Variants in IKBKB observed in about 807,000 individuals in gnomAD.
IKBKB encodes the protein inhibitor of nuclear factor kappa-B kinase subunit beta.
IKBKB carries 42 observed loss-of-function variants against 113.6 expected under a neutral mutation model. The ratio of observed to expected loss-of-function variants is 0.37; its 90% CI spans 0.29 to 0.48. The LOEUF is 0.48. Ranked by LOEUF, IKBKB falls within the 20% of genes least tolerant of loss-of-function variation. IKBKB has a pLI of 0.99. For synonymous variants in IKBKB, 296 were observed against 361.3 expected, an observed-to-expected ratio of 0.82 and a Z score of 2.05; for missense variants, 673 against 939.7, an observed-to-expected ratio of 0.72 and a Z score of 3.71.
At chr8:42,300,930 C>T (rs1585669250) in intron 5 of IKBKB, among the ~76,000 whole-genome samples, 2 of 152,176 alleles carry the variant, frequency 1.3e-5, no homozygotes, top group South Asian at 2.1e-4. Flanking sequence ...TCATGTTTCA[C>T]CGCAGCCTTG....
chr8:42,330,006 ATC>A lies in IKBKB; in HGVS notation c.2205+796_2205+797del, dbSNP rs1233599495. On this transcript the variant is annotated intron_variant, in intron 21 of 21. Coordinates refer to ENST00000520810, the MANE Select transcript of IKBKB (RefSeq NM_001556.3). ...CTCCTCCAGTCTGTGGACATTCTAT[ATC>A]TCTTGCTGCTCTCCTCCTCCTGGCA... The A allele has an allele frequency of 3.0e-6, 3 of 985,288 alleles. No homozygotes were observed. The African/African-American group carries it at 5.2e-5, about 17-fold the overall frequency. 61.0% of individuals were successfully genotyped at this position (985,288 alleles called of 1,614,324 possible). A position where few individuals can be genotyped will look rare whatever the true frequency, so the allele number is the denominator to read the frequency against.
At chr8:42,272,661 T>G (rs1348728284) in intron 2 of IKBKB, among the ~76,000 whole-genome samples, 1 of 152,072 alleles carries the variant, frequency 6.6e-6, no homozygotes, top group Non-Finnish European at 1.5e-5. Flanking sequence ...GGCAGCCAGC[T>G]GGGCGTGGTG....
At chr8:42,329,409 G>A (rs1378531364) in intron 21 of IKBKB, 195 bp downstream of exon 21, 5 of 988,962 alleles carry the variant, frequency 5.1e-6, no homozygotes, top group South Asian at 2.8e-5. Flanking sequence ...TGCAACCTCC[G>A]CTTCCCGGGT....
intron 8 of IKBKB, among the ~76,000 whole-genome samples, chr8:42,311,054 GA>G (rs1405178824): frequency 6.6e-6 from 1 of 152,150 alleles, no homozygotes; most frequent in Non-Finnish European, 1.5e-5. Flanking sequence ...ACAGATTAAA[GA>G]GTTTGCACGT....
chr8:42,309,481 A>G (rs1413072907), intron 8 of IKBKB: 1 of 417,616 alleles, frequency 2.4e-6, no homozygotes, highest in Non-Finnish European at 4.7e-6. Flanking sequence ...GTGGCCGGGT[A>G]CAGTGGCTCA....
intron 16 of IKBKB, 113 bp downstream of exon 16, chr8:42,320,957 A>ATGCTT: frequency 1.7e-6 from 1 of 591,666 alleles, no homozygotes. Context: ...TCTCTAGAGC[A>ATGCTT]TGCTTCCCTG....
chr8:42,325,186 G>A, intron 19 of IKBKB: 1 of 983,322 alleles, frequency 1.0e-6, no homozygotes, highest in Non-Finnish European at 1.2e-6. Context: ...GAGCTGAGGA[G>A]GCTCAGGTAG....
Position 42,319,637 on chromosome 8 carries a change from C to A in IKBKB, c.1569C>A (p.Leu523=). The A allele has an allele frequency of 6.3e-7, 1 of 1,590,492 alleles. No individual in the cohort carries two copies. Among genetic ancestry groups the A allele is most frequent in the Non-Finnish European group, 8.5e-7 (1 of 1,172,622 alleles). Residue 523 remains leucine, a synonymous_variant, in exon 15 of 22, where the codon CTC becomes CTA. Transcript: ENST00000520810. ...AWREMEQAVE[L]CGRENEVKLL... is the part of the protein sequence containing the mutation. ...GGGAAATGGAGCAGGCTGTGGAGCT[C>A]TGTGGGCGGGTAGGAGACTCATTTT...
At chr8:42,287,648 A>G (rs1234674101) in intron 2 of IKBKB, among the ~76,000 whole-genome samples, 2 of 152,238 alleles carry the variant, frequency 1.3e-5, no homozygotes, top group Admixed American at 6.5e-5. Context: ...AGGGTTACTA[A>G]TACCTGCTAG....
At chr8:42,306,192 C>T (rs1816490526) in intron 6 of IKBKB, 151 bp from the exon 7 acceptor site, 1 of 575,634 alleles carries the variant, frequency 1.7e-6, no homozygotes, top group Non-Finnish European at 3.2e-6. Flanking sequence ...CGAGGGCATT[C>T]TTTTGTGTAT....
rs2130631508 is a variant in IKBKB, at chr8:42,316,043, T to G, written c.801-167T>G. On this transcript the variant is annotated intron_variant, in intron 9 of 21. Coordinates refer to ENST00000520810, the MANE Select transcript of IKBKB (RefSeq NM_001556.3). The surrounding 1 kb of genome is among the most constrained non-coding windows in gnomAD (Gnocchi z 4.5). Reference sequence around the variant, plus strand: ...TATTTTAGAATTCAGGAGAGAGGTGTGAACACCTGAATAATTGATTGGAAA... The same window carrying G: ...TATTTTAGAATTCAGGAGAGAGGTGGGAACACCTGAATAATTGATTGGAAA... Among the ~76,000 whole-genome samples, 1 of 152,346 alleles carries G rather than the reference T, an allele frequency of 6.6e-6. No homozygotes were observed. The highest frequency in any genetic ancestry group is 2.1e-4 in the South Asian group (1 of 4,816).
intron 2 of IKBKB, among the ~76,000 whole-genome samples, chr8:42,281,151 C>A (rs543780122): frequency 6.6e-6 from 1 of 152,070 alleles, no homozygotes; most frequent in African/African-American, 2.4e-5. Flanking sequence ...TGATCTCTCC[C>A]GAACGCTGGG....
chr8:42,314,110 T>C, intron 8 of IKBKB: 1 of 552,336 alleles, frequency 1.8e-6, no homozygotes, highest in African/African-American at 1.9e-5. Context: ...TGTGTTACCC[T>C]GGCCTACAGT....
At chr8:42,312,951 C>T (rs1585740515) in intron 8 of IKBKB, among the ~76,000 whole-genome samples, 2 of 152,356 alleles carry the variant, frequency 1.3e-5, no homozygotes, top group South Asian at 4.1e-4. Flanking sequence ...GCCCCTGATT[C>T]TGCTACTCTG....
At chr8:42,314,918 A>G (rs536510570) in intron 9 of IKBKB, among the ~76,000 whole-genome samples, 15 of 152,298 alleles carry the variant, frequency 9.8e-5, no homozygotes, top group Middle Eastern at 3.4e-3. Flanking sequence ...TTCCTCCCTT[A>G]TCTCCCTAGA....
At chr8:42,282,823 C>G (rs1231734859) in intron 2 of IKBKB, among the ~76,000 whole-genome samples, 1 of 152,130 alleles carries the variant, frequency 6.6e-6, no homozygotes, top group Non-Finnish European at 1.5e-5. Flanking sequence ...AAACATTACT[C>G]ATGGAAAAAC....
chr8:42,286,481 T>C (rs1490988753), intron 2 of IKBKB, among the ~76,000 whole-genome samples: 1 of 152,036 alleles, frequency 6.6e-6, no homozygotes, highest in Non-Finnish European at 1.5e-5. Flanking sequence ...TGTGTGTCTT[T>C]TTTTGTTTTT....
At chr8:42,327,618 C>A (rs945014927) in intron 20 of IKBKB, among the ~76,000 whole-genome samples, 1 of 150,904 alleles carries the variant, frequency 6.6e-6, no homozygotes, top group East Asian at 1.9e-4. Context: ...CAGGCATGAG[C>A]CACTGCACCC....
intron 5 of IKBKB, 63 bp from the exon 6 acceptor site, chr8:42,305,124 A>G (rs1816242896): frequency 4.8e-6 from 5 of 1,035,836 alleles, no homozygotes; most frequent in Non-Finnish European, 7.6e-6. Flanking sequence ...TTTGCAGGAT[A>G]GGAGATTCTG....
Sources: gnomAD v4.1 joint callset for allele counts (sites outside exome capture counted in the v4.1 genomes callset) on GRCh38, gnomAD v4.1.1 for gene constraint, Gnocchi (gnomAD v3.1) non-coding constraint, MANE v1.5 for transcripts, NCBI Gene and HGNC (gene_info 2026-07-23, HGNC 2026-07-21) for gene names.